Variants in TRHDE observed in about 807,000 individuals in gnomAD.
TRHDE encodes the protein thyrotropin-releasing hormone-degrading ectoenzyme.
In TRHDE, 72 loss-of-function variants were observed where a neutral mutation model predicts 125.7. That is an observed-to-expected ratio of 0.57 (90% CI 0.47 to 0.70). The LOEUF is 0.70. Ranked by LOEUF, TRHDE falls within the 30% of genes least tolerant of loss-of-function variation. The probability of loss-of-function intolerance (pLI) is 0.00; values close to 1 mark genes in which losing one functional copy is unlikely to be tolerated. For synonymous variants in TRHDE, 509 were observed against 509.1 expected (o/e 1.00, Z 0.00); for missense variants, 1,110 against 1,327.1 (o/e 0.84, Z 2.54).
intron 2 of TRHDE, among the ~76,000 whole-genome samples, chr12:72,238,234 G>A (rs1320025297): frequency 1.5e-5 from 2 of 135,384 alleles, no homozygotes; most frequent in East Asian, 4.5e-4. Context: ...TACTGGGTGT[G>A]GATGGTAGCA....
At chr12:72,622,210 T>A (rs1281652399) in intron 15 of TRHDE, among the ~76,000 whole-genome samples, 1 of 152,114 alleles carries the variant, frequency 6.6e-6, no homozygotes, top group East Asian at 1.9e-4. Context: ...CTTTCCTTTT[T>A]CAGTGACCCT....
chr12:72,664,833 C>T lies in TRHDE; in HGVS notation c.*1638C>T, dbSNP rs999279019. On this transcript the variant is annotated 3_prime_UTR_variant, in exon 19 of 19. Transcript: ENST00000261180. ...ATTTTAAATTAGTAGAAAAGAGGAG[C>T]TATTTCCGAATCTATAGAATAAAGT... 6.6e-6 allele frequency: 1 copy of T among 152,000 alleles called. No individual in the cohort carries two copies. The highest frequency in any genetic ancestry group is 2.4e-5 in the African/African-American group (1 of 41,420). The allele number at this position is 152,000 out of a possible 1,614,324, so 9.4% of individuals were successfully genotyped here. A position where few individuals can be genotyped will look rare whatever the true frequency, so the allele number is the denominator to read the frequency against.
chr12:72,475,421 G>GA (rs1876845637), intron 5 of TRHDE, among the ~76,000 whole-genome samples: 2 of 152,022 alleles, frequency 1.3e-5, no homozygotes, highest in South Asian at 4.1e-4. Flanking sequence ...TCACCATTAT[G>GA]AAAAATGCAT....
At chr12:72,413,041 A>T (rs1037640084) in intron 3 of TRHDE, among the ~76,000 whole-genome samples, 7 of 151,954 alleles carry the variant, frequency 4.6e-5, no homozygotes, top group African/African-American at 1.7e-4. Context: ...GATGGTGATT[A>T]TTTGGGAGGT....
At chr12:72,549,519 A>G (rs1455025339) in intron 7 of TRHDE, among the ~76,000 whole-genome samples, 1 of 151,842 alleles carries the variant, frequency 6.6e-6, no homozygotes, top group Non-Finnish European at 1.5e-5. Flanking sequence ...TTTTGCTTAA[A>G]ATGCTGTGCA....
intron 12 of TRHDE, among the ~76,000 whole-genome samples, chr12:72,617,817 G>A (rs565826827): frequency 6.6e-6 from 1 of 152,276 alleles, no homozygotes; most frequent in South Asian, 2.1e-4. Context: ...GAGTCAAGAA[G>A]ATGCACTGGA....
intron 2 of TRHDE, among the ~76,000 whole-genome samples, chr12:72,232,690 CT>C (rs985775957): frequency 3.3e-5 from 5 of 152,192 alleles, no homozygotes; most frequent in African/African-American, 1.2e-4. Flanking sequence ...AGGCTCTGAC[CT>C]TTGCATTTGC....
chr12:72,597,017 G>A (rs899512651), intron 12 of TRHDE, among the ~76,000 whole-genome samples: 1 of 152,160 alleles, frequency 6.6e-6, no homozygotes, highest in Admixed American at 6.5e-5. Flanking sequence ...CCTAGTTAGA[G>A]TGATCTGCAA....
At chr12:72,647,569 TA>T (rs1361578870) in intron 15 of TRHDE, among the ~76,000 whole-genome samples, 2 of 151,276 alleles carry the variant, frequency 1.3e-5, no homozygotes, top group Non-Finnish European at 2.9e-5. Flanking sequence ...AAGACTCAAA[TA>T]AAAACAGAAA....
At chr12:72,379,082 A>G (rs913604402) in intron 3 of TRHDE, among the ~76,000 whole-genome samples, 3 of 152,200 alleles carry the variant, frequency 2.0e-5, no homozygotes, top group African/African-American at 7.2e-5. Context: ...ATTGGCAAGA[A>G]TAAAGTGCTT....
At position 72,517,261 on chromosome 12, in the gene TRHDE, A is replaced by G. The variant is rs552187098; in HGVS notation, c.1722+17626A>G. ...TACCTCTGGTAGAATTTGGCTGTGA[A>G]TCCATCTGGTCCTGGACTCTTTTTG... On this transcript the variant is annotated intron_variant, in intron 6 of 18. Transcript: ENST00000261180. Among the ~76,000 whole-genome samples the G allele has an allele frequency of 4.5e-3, 679 of 151,458 alleles. 6 individuals are homozygous for G. Among genetic ancestry groups the G allele is most frequent in the Non-Finnish European group, 4.5e-3 (308 of 67,836 alleles).
chr12:72,314,718 A>G (rs1868716471), intron 2 of TRHDE, among the ~76,000 whole-genome samples: 1 of 152,190 alleles, frequency 6.6e-6, no homozygotes, highest in East Asian at 1.9e-4. Flanking sequence ...TGGATAAAAA[A>G]AAAATCAGAG....
intron 3 of TRHDE, among the ~76,000 whole-genome samples, chr12:72,455,002 T>C (rs542751173): frequency 1.3e-5 from 2 of 152,284 alleles, no homozygotes; most frequent in East Asian, 3.9e-4. Context: ...CCCCAAACAC[T>C]GAGAATGCTT....
intron 1 of TRHDE, among the ~76,000 whole-genome samples, chr12:72,094,200 C>T (rs1234817979): frequency 6.6e-6 from 1 of 152,024 alleles, no homozygotes; most frequent in African/African-American, 2.4e-5. Flanking sequence ...AATGAAAGTC[C>T]ACAGATGACA....
intron 2 of TRHDE, chr12:72,256,900 G>T (rs1283291080): frequency 1.3e-5 from 2 of 152,166 alleles, no homozygotes; most frequent in African/African-American, 4.8e-5. Context: ...AAAGCAAATA[G>T]CACTCATACC....
At chr12:72,285,915 A>G (rs1451029666) in intron 1 of TRHDE, among the ~76,000 whole-genome samples, 1 of 152,200 alleles carries the variant, frequency 6.6e-6, no homozygotes, top group African/African-American at 2.4e-5. Context: ...TTTTAATAAG[A>G]TACGGCTTGA....
chr12:72,319,407 A>C (rs895297458), intron 2 of TRHDE, among the ~76,000 whole-genome samples: 1 of 152,210 alleles, frequency 6.6e-6, no homozygotes, highest in Non-Finnish European at 1.5e-5. Flanking sequence ...GACTTTAATC[A>C]ACAACATGAA....
chr12:72,237,696 T>G (rs1208726498), intron 2 of TRHDE, among the ~76,000 whole-genome samples: 1 of 152,164 alleles, frequency 6.6e-6, no homozygotes, highest in South Asian at 2.1e-4. Flanking sequence ...CCTATGGCCA[T>G]GATTGCAAGT....
chr12:72,203,120 TGA>T (rs912789991), intron 2 of TRHDE, among the ~76,000 whole-genome samples: 2 of 151,964 alleles, frequency 1.3e-5, no homozygotes, highest in African/African-American at 4.8e-5. Flanking sequence ...TGTGTGTGTA[TGA>T]GAGAGAAAGA....
Sources: allele counts gnomAD v4.1 joint callset (sites outside exome capture counted in the v4.1 genomes callset), GRCh38; gene constraint gnomAD v4.1.1; transcripts MANE v1.5; gene names NCBI Gene and HGNC (gene_info 2026-07-23, HGNC 2026-07-21).